The following ZNF26 variants were observed in gnomAD, a reference collection of about 807,000 sequenced individuals.
ZNF26 encodes epididymis luminal protein 179.
A neutral mutation model predicts 54.9 loss-of-function variants in ZNF26; 32 were observed. The observed-to-expected ratio is 0.58, with a 90% CI of 0.44 to 0.78. ZNF26 has a LOEUF of 0.78. ZNF26 is among the 30% of genes least tolerant of loss of function. The probability of loss-of-function intolerance (pLI) is 0.00; values close to 1 mark genes in which losing one functional copy is unlikely to be tolerated. For synonymous variants in ZNF26, 221 were observed against 209.2 expected, an observed-to-expected ratio of 1.06 and a Z score of -0.49; for missense variants, 524 against 634.0, an observed-to-expected ratio of 0.83 and a Z score of 1.86.
chr12:132,986,578 G>C lies in ZNF26; in HGVS notation c.-263G>C. ...GTGGACGGGGCCAGATCAGCCTCCT[G>C]CTCTCCCGAGTCAGGGCCACGGAAA... is the stretch of plus-strand genomic sequence containing the variant. On this transcript the variant is annotated 5_prime_UTR_variant, in exon 1 of 4. Transcript: ENST00000328654. 1.8e-6 allele frequency: 1 copy of C among 571,136 alleles called. No homozygotes were observed. 35.4% of individuals were successfully genotyped at this position (571,136 alleles called of 1,614,324 possible).
At chr12:132,998,646 C>T (rs1367133470) in intron 1 of ZNF26, among the ~76,000 whole-genome samples, 1 of 152,148 alleles carries the variant, frequency 6.6e-6, no homozygotes, top group Non-Finnish European at 1.5e-5. Context: ...CTTTACTTGC[C>T]ACAGATCAGG....
chr12:133,007,809 C>T (rs1234976351), intron 3 of ZNF26, among the ~76,000 whole-genome samples: 1 of 152,184 alleles, frequency 6.6e-6, no homozygotes, highest in Admixed American at 6.5e-5. Flanking sequence ...CCGTCCTCCC[C>T]ATGGTCATGG....
rs1183593974 is a variant in ZNF26 at position 133,010,340 on chromosome 12, A to T, written c.461A>T (p.His154Leu). Residue 154 changes from histidine (H) to leucine (L), a missense_variant, in exon 4 of 4, where the codon CAT (histidine) becomes CTT (leucine). His to Leu is a moderately conservative substitution (Grantham distance 99). Transcript: ENST00000328654. ...TTAAGAAAGAATCCTGATAAGTTTC[A>T]TGGTTATGAAGAACCATATTTTCTT... ...SYLRKNPDKF[H>L]GYEEPYFLKH... 2 of 1,613,846 alleles carry T rather than the reference A, an allele frequency of 1.2e-6. No homozygotes were observed.
In ZNF26 at chr12:133,023,954, C is replaced by T. The variant is rs1368547302; in HGVS notation, c.*12473C>T. 6.6e-6 allele frequency: 1 copy of T among 152,222 alleles called. No individual in the cohort carries two copies. The highest frequency in any genetic ancestry group is 2.4e-5 in the African/African-American group (1 of 41,436). 9.4% of individuals were successfully genotyped at this position (152,222 alleles called of 1,614,324 possible). On this transcript the variant is annotated 3_prime_UTR_variant, in exon 4 of 4. Transcript: ENST00000328654. ...TACATAAAGAGATGCTTGTTCAGCC[C>T]CATATGCTCCCGTTCCATGCCTTTC...
Position 133,024,951 on chromosome 12 carries a change from A to G in ZNF26, c.*13470A>G, listed in dbSNP as rs1417333046. 1 of 152,214 alleles carries G rather than the reference A, an allele frequency of 6.6e-6. No individual in the cohort carries two copies. Among genetic ancestry groups the G allele is most frequent in the African/African-American group, 2.4e-5 (1 of 41,452 alleles). 9.4% of individuals were successfully genotyped at this position (152,214 alleles called of 1,614,324 possible). On this transcript the variant is annotated 3_prime_UTR_variant, in exon 4 of 4. Coordinates refer to ENST00000328654, the MANE Select transcript of ZNF26 (RefSeq NM_019591.4). ...AAGGACAAACTGTATAAAAAAAGAT[A>G]TTTGAACTCTCAACCTTTTTGCTCA...
chr12:132,993,475 AT>A (rs574566812), intron 1 of ZNF26, among the ~76,000 whole-genome samples: 35 of 142,894 alleles, frequency 2.4e-4, no homozygotes, highest in Admixed American at 2.8e-4. Flanking sequence ...TTTTGTTTTT[AT>A]TTTTTTTTTT....
At position 133,011,177 on chromosome 12, in the gene ZNF26, G is replaced by GA; in HGVS notation, c.1299dup (p.Ala434SerfsTer18). 1.2e-6 allele frequency: 2 copies of GA among 1,614,114 alleles called. No homozygotes were observed. Among genetic ancestry groups the GA allele is most frequent in the Non-Finnish European group, 1.7e-6 (2 of 1,180,028 alleles). On this transcript the variant is annotated frameshift_variant, in exon 4 of 4. Coordinates refer to ENST00000328654, the MANE Select transcript of ZNF26 (RefSeq NM_019591.4). LOFTEE classifies it high-confidence loss of function. ...CCCTATGAATGTAGTTTGTGTGAGA[G>GA]AGCCTTTTGTGGAAAATCACAGCTG...
chr12:132,990,118 T>C (rs1331292606), intron 1 of ZNF26, among the ~76,000 whole-genome samples: 1 of 151,986 alleles, frequency 6.6e-6, no homozygotes, highest in African/African-American at 2.4e-5. Flanking sequence ...ACCCCATCTC[T>C]ACAAAAAATT....
rs1227079612 is a variant in ZNF26, at chr12:132,986,439, A to C, written c.-402A>C. The stretch of plus-strand genomic sequence containing the variant: ...AGACTCAGTGGACCGGAATCTGGCC[A>C]GCGGGTGTACCTGGCTGAGTCTCTG... On this transcript the variant is annotated 5_prime_UTR_variant, in exon 1 of 4. Coordinates refer to ENST00000328654, the MANE Select transcript of ZNF26 (RefSeq NM_019591.4). 3 of 206,294 alleles carry C rather than the reference A, an allele frequency of 1.5e-5. No homozygotes were observed. The Admixed American group carries it at 1.7e-4, about 11-fold the overall frequency. The allele number at this position is 206,294 out of a possible 1,614,324, so 12.8% of individuals were successfully genotyped here.
In ZNF26 at chr12:133,011,621, G is replaced by T; in HGVS notation, c.*140G>T. 1.3e-6 allele frequency: 1 copy of T among 750,976 alleles called. No individual in the cohort carries two copies. Among genetic ancestry groups the T allele is most frequent in the Non-Finnish European group, 1.9e-6 (1 of 515,248 alleles). The allele number at this position is 750,976 out of a possible 1,614,324, so 46.5% of individuals were successfully genotyped here. A position where few individuals can be genotyped will look rare whatever the true frequency, so the allele number is the denominator to read the frequency against. Reference sequence around the variant, plus strand: ...GAGAGACCAACCATATTTGGGATGAGTGTAAAAGCTTTCAGAAATAAGTTA... The same window carrying T: ...GAGAGACCAACCATATTTGGGATGATTGTAAAAGCTTTCAGAAATAAGTTA... On this transcript the variant is annotated 3_prime_UTR_variant, in exon 4 of 4. Coordinates refer to ENST00000328654, the MANE Select transcript of ZNF26 (RefSeq NM_019591.4).
At chr12:133,006,515 A>T (rs1953331695) in intron 1 of ZNF26, 1 of 157,052 alleles carries the variant, frequency 6.4e-6, no homozygotes, top group Non-Finnish European at 1.4e-5. Context: ...TGAAGACAGA[A>T]CTGGATTTTA....
chr12:133,006,810 G>T (rs1593662968), intron 1 of ZNF26: 1 of 486,742 alleles, frequency 2.1e-6, no homozygotes, highest in Non-Finnish European at 3.8e-6. Context: ...GGTCAGGCTG[G>T]TCTTGAACTC....
chr12:133,000,874 C>T (rs996068578), intron 1 of ZNF26, among the ~76,000 whole-genome samples: 61 of 152,176 alleles, frequency 4.0e-4, no homozygotes, highest in African/African-American at 1.3e-3. Flanking sequence ...TCATTCGTAT[C>T]AAGCTTAAAG....
At chr12:133,007,010 C>T in intron 1 of ZNF26, 32 bp from the exon 2 acceptor site, 2 of 1,612,430 alleles carry the variant, frequency 1.2e-6, no homozygotes, top group South Asian at 1.1e-5. Context: ...AATGTAATTG[C>T]ATCCAATTGA....
intron 1 of ZNF26, among the ~76,000 whole-genome samples, chr12:132,992,868 CT>C (rs75658006): frequency 0.46 from 68,777 of 149,038 alleles, 16,972 homozygotes; most frequent in East Asian, 0.73. Flanking sequence ...ATATTCTGTT[CT>C]TTTTTTTTTT....
chr12:132,986,526 A>G lies in ZNF26; in HGVS notation c.-315A>G. On this transcript the variant is annotated 5_prime_UTR_variant, in exon 1 of 4. Coordinates refer to ENST00000328654, the MANE Select transcript of ZNF26 (RefSeq NM_019591.4). ...TCCTGGGCAGACCAGAGACTTGACC[A>G]GCTAAACACTTCCGTCGGTCCGGGG... The G allele has an allele frequency of 8.3e-6, 4 of 479,194 alleles. No individual in the cohort carries two copies. The allele number at this position is 479,194 out of a possible 1,614,324, so 29.7% of individuals were successfully genotyped here.
intron 1 of ZNF26, among the ~76,000 whole-genome samples, chr12:132,997,192 A>G: frequency 6.6e-6 from 1 of 152,254 alleles, no homozygotes; most frequent in East Asian, 1.9e-4. Context: ...TTCCCAGAAC[A>G]GGGGCTAATC....
rs1593675991 is a variant in ZNF26, at chr12:133,015,071, A to G, written c.*3590A>G. 6.6e-6 allele frequency: 1 copy of G among 151,616 alleles called. No homozygotes were observed. The highest frequency in any genetic ancestry group is 1.5e-5 in the Non-Finnish European group (1 of 68,008). The allele number at this position is 151,616 out of a possible 1,614,324, so 9.4% of individuals were successfully genotyped here. A position where few individuals can be genotyped will look rare whatever the true frequency, so the allele number is the denominator to read the frequency against. On this transcript the variant is annotated 3_prime_UTR_variant, in exon 4 of 4. Transcript: ENST00000328654. ...AAGTGTGTTATTGAAAGTAGTAGCTACTGGCCGGGCGTGGTGGCTCACGCC... is the reference window on the plus strand; with the variant it reads ...AAGTGTGTTATTGAAAGTAGTAGCTGCTGGCCGGGCGTGGTGGCTCACGCC...
intron 3 of ZNF26, among the ~76,000 whole-genome samples, chr12:133,008,775 C>CA (rs57200465): frequency 0.078 from 4,767 of 60,772 alleles, 444 homozygotes; most frequent in African/African-American, 0.24. Context: ...GACTCCATCT[C>CA]AAAAAAAAAA....
Sources: allele counts gnomAD v4.1 joint callset (sites outside exome capture counted in the v4.1 genomes callset), GRCh38; gene constraint gnomAD v4.1.1; transcripts MANE v1.5; gene names NCBI Gene and HGNC (gene_info 2026-07-23, HGNC 2026-07-21).